Variants in ZNF675 observed in about 807,000 individuals in gnomAD.
ZNF675 encodes the protein zinc finger protein 675, also known as TRAF6 inhibitory zinc finger.
A neutral mutation model predicts 56.1 loss-of-function variants in ZNF675; 36 were observed. The ratio of observed to expected loss-of-function variants is 0.64; its 90% CI spans 0.49 to 0.85. The LOEUF (loss-of-function observed/expected upper bound fraction) is 0.85, where lower values mean the gene tolerates loss of function less well. Ranked by LOEUF, ZNF675 falls within the 40% of genes least tolerant of loss-of-function variation. The pLI, the probability that ZNF675 is intolerant of heterozygous loss-of-function variation, is 0.00. For synonymous variants in ZNF675, 200 were observed against 218.9 expected (o/e 0.91, Z 0.76); for missense variants, 663 against 654.2 (o/e 1.01, Z -0.15).
intron 3 of ZNF675, among the ~76,000 whole-genome samples, chr19:23,659,030 T>C (rs1427939044): frequency 4.7e-5 from 7 of 149,182 alleles, no homozygotes; most frequent in Non-Finnish European, 7.4e-5. Context: ...TATAAAAATA[T>C]ATATATTGCA....
chr19:23,686,503 T>C (rs1282351623), intron 1 of ZNF675: 1 of 153,012 alleles, frequency 6.5e-6, no homozygotes, highest in Non-Finnish European at 1.5e-5. Context: ...ATTTTGTATT[T>C]TTAGTAGAAA....
intron 1 of ZNF675, among the ~76,000 whole-genome samples, chr19:23,675,965 GA>G (rs36123786): frequency 0.97 from 140,597 of 144,716 alleles, 68,486 homozygotes; most frequent in Middle Eastern, 1. Context: ...CTAGATTAAT[GA>G]AAAAAAGAGA....
intron 3 of ZNF675, 103 bp downstream of exon 3, chr19:23,662,011 T>G (rs999579437): frequency 1.2e-6 from 1 of 856,518 alleles, no homozygotes; most frequent in African/African-American, 1.7e-5. Flanking sequence ...TTATTTCCTT[T>G]AAAACACGGC....
chr19:23,657,598 TCCCAG>T (rs1968005161), intron 3 of ZNF675, among the ~76,000 whole-genome samples: 1 of 152,088 alleles, frequency 6.6e-6, no homozygotes. Context: ...ATGCCTGTAA[TCCCAG>T]CTGCTTGGGA....
At chr19:23,654,791 C>A in intron 3 of ZNF675, 85 bp from the exon 4 acceptor site, 2 of 1,169,302 alleles carry the variant, frequency 1.7e-6, no homozygotes, top group African/African-American at 1.5e-5. Flanking sequence ...ACACAAACTA[C>A]ATAAGCAAGA....
At chr19:23,656,323 G>A (rs938238536) in intron 3 of ZNF675, 1 of 152,152 alleles carries the variant, frequency 6.6e-6, no homozygotes, top group African/African-American at 2.4e-5. Context: ...AAATGCATTA[G>A]CAGTGGCTCA....
intron 1 of ZNF675, among the ~76,000 whole-genome samples, chr19:23,677,084 A>G (rs532435600): frequency 0.063 from 2,140 of 34,232 alleles, 44 homozygotes; most frequent in Non-Finnish European, 0.097. Context: ...CAGAAAAAAA[A>G]AAAAAAGAGA....
At position 23,653,084 on chromosome 19, in the gene ZNF675, T is replaced by TC; in HGVS notation, c.*141_*142insG. The TC allele has an allele frequency of 1.3e-6, 1 of 789,788 alleles. No individual in the cohort carries two copies. Among genetic ancestry groups the TC allele is most frequent in the Non-Finnish European group, 1.9e-6 (1 of 521,660 alleles). The allele number at this position is 789,788 out of a possible 1,614,324, so 48.9% of individuals were successfully genotyped here. A position where few individuals can be genotyped will look rare whatever the true frequency, so the allele number is the denominator to read the frequency against. The stretch of plus-strand genomic sequence containing the variant: ...TGCCAAATTCTTCACACTTGTAGTT[T>TC]TCTCCAGTATGAATTATCTTACATA... On this transcript the variant is annotated 3_prime_UTR_variant, in exon 4 of 4. Coordinates refer to ENST00000359788, the MANE Select transcript of ZNF675 (RefSeq NM_138330.3).
chr19:23,666,876 C>T (rs762591824), intron 1 of ZNF675, among the ~76,000 whole-genome samples: 3 of 152,040 alleles, frequency 2.0e-5, no homozygotes, highest in Admixed American at 6.6e-5. Flanking sequence ...GCCTGACTAC[C>T]ACCTCACAGT....
chr19:23,684,135 A>G (rs1203979483), intron 1 of ZNF675, among the ~76,000 whole-genome samples: 1 of 150,932 alleles, frequency 6.6e-6, no homozygotes, highest in African/African-American at 2.4e-5. Flanking sequence ...GGTGGCGGGC[A>G]CCTGTAATCC....
At position 23,654,496 on chromosome 19, in the gene ZNF675, C is replaced by A. The variant is rs1465053505; in HGVS notation, c.437G>T (p.Cys146Phe). 1 of 1,604,668 alleles carries A rather than the reference C, an allele frequency of 6.2e-7. No homozygotes were observed. Among genetic ancestry groups the A allele is most frequent in the Non-Finnish European group, 8.5e-7 (1 of 1,175,602 alleles). ...LPTMQSKMFQ[C>F]DKYVKVFNKF... ...ATTAAAGACTTTCACATATTTATCACATTGAAACATTTTGCTCTGCATAGT... is the reference window on the plus strand; with the variant it reads ...ATTAAAGACTTTCACATATTTATCAAATTGAAACATTTTGCTCTGCATAGT... The change falls in exon 4 of 4, where the codon TGT becomes TTT. Residue 146 changes from cysteine (C) to phenylalanine (F), a missense_variant. Physicochemically the swap from Cys to Phe is radical, Grantham distance 205. Coordinates refer to ENST00000359788, the MANE Select transcript of ZNF675 (RefSeq NM_138330.3).
At chr19:23,669,658 G>C (rs796522962) in intron 1 of ZNF675, among the ~76,000 whole-genome samples, 2 of 152,160 alleles carry the variant, frequency 1.3e-5, no homozygotes, top group African/African-American at 4.8e-5. Flanking sequence ...CAGATCATAA[G>C]GTCAGGAGTT....
chr19:23,677,881 A>G (rs1337079996), intron 1 of ZNF675, among the ~76,000 whole-genome samples: 1 of 151,660 alleles, frequency 6.6e-6, no homozygotes, highest in Non-Finnish European at 1.5e-5. Flanking sequence ...GCACTTTGGG[A>G]GGCCGAGGCG....
chr19:23,687,189 C>T lies in ZNF675; in HGVS notation c.-156G>A. On this transcript the variant is annotated 5_prime_UTR_variant, in exon 1 of 4. It introduces an in-frame stop codon into an upstream open reading frame of the 5' UTR. Transcript: ENST00000359788. ...CTGCAGCGAGAGACAAAGGCGCCGC[C>T]AAATCCCGGAAGCCATCTTGTCTGC... 2 of 877,520 alleles carry T rather than the reference C, an allele frequency of 2.3e-6. No homozygotes were observed. The highest frequency in any genetic ancestry group is 1.8e-6 in the Non-Finnish European group (1 of 550,774). The allele number at this position is 877,520 out of a possible 1,614,324, so 54.4% of individuals were successfully genotyped here.
intron 1 of ZNF675, among the ~76,000 whole-genome samples, chr19:23,685,606 C>T (rs4932901): frequency 0.97 from 147,901 of 152,296 alleles, 71,980 homozygotes; most frequent in Middle Eastern, 1. Flanking sequence ...TTTTACAATA[C>T]AGTATCAGGG....
chr19:23,663,293 A>G (rs1968106418), intron 1 of ZNF675, 135 bp from the exon 2 acceptor site: 1 of 1,153,370 alleles, frequency 8.7e-7, no homozygotes. Context: ...ATAAAATCAT[A>G]TTTTTTACAC....
In ZNF675 at chr19:23,687,177, C is replaced by T. The variant is rs1335869033; in HGVS notation, c.-144G>A. 1.2e-5 allele frequency: 12 copies of T among 1,015,850 alleles called. No homozygotes were observed. Among genetic ancestry groups the T allele is most frequent in the Non-Finnish European group, 1.7e-5 (11 of 666,644 alleles). The allele number at this position is 1,015,850 out of a possible 1,614,324, so 62.9% of individuals were successfully genotyped here. ...CTGGAGCTCCGGCTGCAGCGAGAGACAAAGGCGCCGCCAAATCCCGGAAGC... is the reference window on the plus strand; with the variant it reads ...CTGGAGCTCCGGCTGCAGCGAGAGATAAAGGCGCCGCCAAATCCCGGAAGC... On this transcript the variant is annotated 5_prime_UTR_variant, in exon 1 of 4. Transcript: ENST00000359788.
intron 1 of ZNF675, among the ~76,000 whole-genome samples, chr19:23,674,448 G>C (rs1968269534): frequency 6.6e-6 from 1 of 151,012 alleles, no homozygotes; most frequent in African/African-American, 2.5e-5. Flanking sequence ...TTCAAGACCA[G>C]CCTGGCCAAC....
At chr19:23,662,411 C>T (rs1968090956) in intron 2 of ZNF675, among the ~76,000 whole-genome samples, 1 of 152,138 alleles carries the variant, frequency 6.6e-6, no homozygotes, top group East Asian at 1.9e-4. Context: ...ACTACTGAAT[C>T]AAAACTTGGT....
Sources: allele counts gnomAD v4.1 joint callset (sites outside exome capture counted in the v4.1 genomes callset), GRCh38; gene constraint gnomAD v4.1.1; transcripts MANE v1.5; gene names NCBI Gene and HGNC (gene_info 2026-07-23, HGNC 2026-07-21).